Variants in PCDH9 observed in about 807,000 individuals in gnomAD.
PCDH9 encodes the protein protocadherin 9.
In PCDH9, 24 loss-of-function variants were observed where a neutral mutation model predicts 70.6. That is an observed-to-expected ratio of 0.34 (90% confidence interval 0.25 to 0.48). The LOEUF is 0.48. PCDH9 is among the 20% of genes least tolerant of loss of function. The pLI, the probability that PCDH9 is intolerant of heterozygous loss-of-function variation, is 0.99. For missense variants in PCDH9, 1,281 were observed against 1,503.6 expected (o/e 0.85, Z 2.45); for synonymous variants, 562 against 558.5 (o/e 1.01, Z -0.09).
chr13:66,371,243 T>G (rs1019242478), intron 4 of PCDH9, among the ~76,000 whole-genome samples: 2 of 152,056 alleles, frequency 1.3e-5, no homozygotes, highest in African/African-American at 4.8e-5. Context: ...AAATAGCATC[T>G]CCCAGAAAAA....
intron 4 of PCDH9, among the ~76,000 whole-genome samples, chr13:66,429,430 G>GGTTT (rs1957731092): frequency 2.1e-5 from 3 of 144,972 alleles, no homozygotes; most frequent in Admixed American, 6.9e-5. Context: ...TATTTTTTCT[G>GGTTT]TTTTTTTTTT....
At chr13:66,662,465 C>T (rs1323710056) in intron 3 of PCDH9, among the ~76,000 whole-genome samples, 1 of 150,736 alleles carries the variant, frequency 6.6e-6, no homozygotes, top group Non-Finnish European at 1.5e-5. Flanking sequence ...AAAAGTGAAA[C>T]TCCGTCTCAA....
intron 2 of PCDH9, among the ~76,000 whole-genome samples, chr13:66,970,392 G>A (rs2083499283): frequency 6.6e-6 from 1 of 151,848 alleles, no homozygotes; most frequent in Non-Finnish European, 1.5e-5. Flanking sequence ...ACTCTGGGGG[G>A]CCAAGGAGGG....
chr13:67,113,862 C>T (rs1414643430), intron 2 of PCDH9, among the ~76,000 whole-genome samples: 1 of 152,154 alleles, frequency 6.6e-6, no homozygotes, highest in Non-Finnish European at 1.5e-5. Flanking sequence ...ATTTGGATCA[C>T]ACTGAGAAAT....
At chr13:66,490,462 C>G (rs557938261) in intron 4 of PCDH9, among the ~76,000 whole-genome samples, 76 of 152,266 alleles carry the variant, frequency 5.0e-4, no homozygotes, top group African/African-American at 1.8e-3. Context: ...AAACAGATAA[C>G]TAAAGTGGAA....
At chr13:67,002,726 T>G (rs2084269802) in intron 2 of PCDH9, among the ~76,000 whole-genome samples, 1 of 152,082 alleles carries the variant, frequency 6.6e-6, no homozygotes, top group Admixed American at 6.5e-5. Context: ...TGAACTTCTT[T>G]TTTTCCTGTA....
intron 2 of PCDH9, among the ~76,000 whole-genome samples, chr13:67,154,603 TATACACACAC>T (rs1233872074): frequency 3.5e-5 from 3 of 84,782 alleles, no homozygotes; most frequent in African/African-American, 1.5e-4. Context: ...AAAATATATA[TATACACACAC>T]ACACACACAC....
At chr13:66,480,548 T>C (rs1299425317) in intron 4 of PCDH9, among the ~76,000 whole-genome samples, 5 of 152,234 alleles carry the variant, frequency 3.3e-5, no homozygotes, top group African/African-American at 1.2e-4. Context: ...AATCAGTTAA[T>C]GCAACAAACA....
intron 4 of PCDH9, among the ~76,000 whole-genome samples, chr13:66,485,051 AC>A (rs1290079469): frequency 6.6e-6 from 1 of 152,192 alleles, no homozygotes; most frequent in Non-Finnish European, 1.5e-5. Context: ...GATATCTGTC[AC>A]TTTTTTATTC....
At chr13:67,044,810 G>A (rs193226712) in intron 2 of PCDH9, among the ~76,000 whole-genome samples, 1 of 152,060 alleles carries the variant, frequency 6.6e-6, no homozygotes, top group African/African-American at 2.4e-5. Flanking sequence ...ATTTCAGCAG[G>A]GGAGAGAAAA....
chr13:66,473,172 A>G lies in PCDH9; in HGVS notation c.3340+158038T>C, dbSNP rs1025033916. On this transcript the variant is annotated intron_variant, in intron 4 of 4. Transcript: ENST00000377865. ...TTCACAGTGATGCTAAATCTTACAA[A>G]AGAAATAATATATTTTATGATTATT... Among the ~76,000 whole-genome samples the G allele has an allele frequency of 3.3e-5, 5 of 152,074 alleles. No individual in the cohort carries two copies. The East Asian group carries it at 9.6e-4, about 29-fold the overall frequency.
chr13:66,386,056 C>T (rs746569673), intron 4 of PCDH9, among the ~76,000 whole-genome samples: 1 of 150,518 alleles, frequency 6.6e-6, no homozygotes, highest in African/African-American at 2.4e-5. Context: ...GTTGGTAATA[C>T]ATTAATTTAA....
chr13:66,355,748 G>T (rs552204766), intron 4 of PCDH9, among the ~76,000 whole-genome samples: 10 of 152,242 alleles, frequency 6.6e-5, no homozygotes, highest in Middle Eastern at 3.4e-3. Context: ...GTGACCACAG[G>T]CTCACAGGGG....
intron 4 of PCDH9, among the ~76,000 whole-genome samples, chr13:66,610,903 C>A (rs1395020937): frequency 6.6e-6 from 1 of 152,106 alleles, no homozygotes; most frequent in Non-Finnish European, 1.5e-5. Flanking sequence ...GATAGTTTCA[C>A]AATTGTCAGA....
chr13:66,405,309 T>G (rs927529597), intron 4 of PCDH9, among the ~76,000 whole-genome samples: 1 of 152,216 alleles, frequency 6.6e-6, no homozygotes, highest in Non-Finnish European at 1.5e-5. Flanking sequence ...AATAAGAAAC[T>G]GTTGCAAATA....
At chr13:66,769,461 C>T (rs1175268665) in intron 3 of PCDH9, among the ~76,000 whole-genome samples, 2 of 150,694 alleles carry the variant, frequency 1.3e-5, no homozygotes, top group Middle Eastern at 3.2e-3. Flanking sequence ...TGAAGTTTTC[C>T]GGCATCGTAG....
At chr13:66,583,155 A>G (rs1387046359) in intron 4 of PCDH9, among the ~76,000 whole-genome samples, 2 of 150,328 alleles carry the variant, frequency 1.3e-5, no homozygotes, top group African/African-American at 4.9e-5. Flanking sequence ...AACTATTTGC[A>G]TAATGTGATT....
rs143326845 is a variant in PCDH9, at chr13:66,547,942, A to G, written c.3340+83268T>C. Among the ~76,000 whole-genome samples the G allele has an allele frequency of 4.3e-3, 642 of 147,806 alleles. 28 individuals carry two copies. In the East Asian group the frequency reaches 0.086, roughly 20 times the overall value. On this transcript the variant is annotated intron_variant, in intron 4 of 4. Transcript: ENST00000377865. The stretch of plus-strand genomic sequence containing the variant: ...AATCATATTATATAATAATATATAT[A>G]TTTAATTATAAAATAGTAAACTTAA...
intron 4 of PCDH9, among the ~76,000 whole-genome samples, chr13:66,622,544 A>G (rs576278452): frequency 2.0e-4 from 30 of 152,254 alleles, no homozygotes; most frequent in African/African-American, 7.2e-4. Flanking sequence ...AGGGTTTGTG[A>G]ATGCACCAAT....
Sources: gnomAD v4.1 joint callset for allele counts (sites outside exome capture counted in the v4.1 genomes callset) on GRCh38, gnomAD v4.1.1 for gene constraint, MANE v1.5 for transcripts, NCBI Gene and HGNC (gene_info 2026-07-23, HGNC 2026-07-21) for gene names.